The following RIN2 variants were observed in gnomAD, a reference collection of about 807,000 sequenced individuals.
RIN2 encodes the protein RAB5 interacting protein 2.
In RIN2, 36 loss-of-function variants were observed where a neutral mutation model predicts 78.0. That is an observed-to-expected ratio of 0.46 (90% CI 0.35 to 0.61). The LOEUF is 0.61. RIN2 is among the 20% of genes least tolerant of loss of function. The pLI, the probability that RIN2 is intolerant of heterozygous loss-of-function variation, is 0.00. For missense variants in RIN2, 1,087 were observed against 1,159.7 expected (o/e 0.94, Z 0.91); for synonymous variants, 466 against 466.8 (o/e 1.00, Z 0.02).
chr20:19,776,115 C>T (rs1166404068), intron 1 of RIN2, among the ~76,000 whole-genome samples: 1 of 152,190 alleles, frequency 6.6e-6, no homozygotes, highest in Non-Finnish European at 1.5e-5. Flanking sequence ...AACTGATGGA[C>T]CCCTCCCCTT....
intron 4 of RIN2, among the ~76,000 whole-genome samples, chr20:19,948,592 AC>A (rs914077517): frequency 3.0e-4 from 46 of 152,028 alleles, no homozygotes; most frequent in African/African-American, 1.1e-3. Flanking sequence ...ACAGGGTTTC[AC>A]CATGTTGGCC....
At chr20:19,851,022 G>GAGA (rs1276099611) in intron 2 of RIN2, among the ~76,000 whole-genome samples, 30 of 119,752 alleles carry the variant, frequency 2.5e-4, no homozygotes, top group African/African-American at 1.1e-3. Flanking sequence ...AGGAAGGAAG[G>GAGA]AAGGAAGGAA....
chr20:19,910,570 CTT>C (rs11476687), intron 3 of RIN2, among the ~76,000 whole-genome samples: 27 of 128,044 alleles, frequency 2.1e-4, no homozygotes, highest in East Asian at 4.8e-4. Flanking sequence ...AGGAAGTGAA[CTT>C]TTTTTTTTTT....
rs545360447 is a variant in RIN2 at position 19,892,359 on chromosome 20, G to A, written c.57+2701G>A. On this transcript the variant is annotated intron_variant, in intron 3 of 12. Coordinates refer to ENST00000255006, the MANE Select transcript of RIN2 (RefSeq NM_018993.4). ...GCCTCCCGAGCAGCTGGGATTACAG[G>A]TGCCTGCCACCACACCCAGCTAATT... 2.0e-5 allele frequency among the ~76,000 whole-genome samples: 3 copies of A among 152,180 alleles called. No homozygotes were observed. The East Asian group carries it at 5.8e-4, about 29-fold the overall frequency.
intron 2 of RIN2, among the ~76,000 whole-genome samples, chr20:19,865,818 TA>T (rs922747352): frequency 1.3e-5 from 2 of 152,034 alleles, no homozygotes; most frequent in Admixed American, 1.3e-4. Flanking sequence ...AAAAATATAA[TA>T]AAAATATACA....
intron 1 of RIN2, among the ~76,000 whole-genome samples, chr20:19,788,439 A>AAAAC (rs1555818731): frequency 5.3e-5 from 7 of 133,034 alleles, no homozygotes; most frequent in African/African-American, 6.5e-5. Context: ...TGCCAAAAAA[A>AAAAC]AAAAAAAAAA....
chr20:19,923,177 G>A (rs2039997680), intron 3 of RIN2, among the ~76,000 whole-genome samples: 1 of 152,134 alleles, frequency 6.6e-6, no homozygotes, highest in Non-Finnish European at 1.5e-5. Flanking sequence ...CAGCACTTTG[G>A]GAGGCTGAGG....
At chr20:19,985,059 T>C (rs1484439563) in intron 9 of RIN2, among the ~76,000 whole-genome samples, 2 of 152,212 alleles carry the variant, frequency 1.3e-5, no homozygotes, top group Non-Finnish European at 2.9e-5. Context: ...CAGGGCTCTT[T>C]CTAACACAAG....
chr20:19,862,067 C>T (rs1725436269), intron 2 of RIN2, among the ~76,000 whole-genome samples: 2 of 152,264 alleles, frequency 1.3e-5, no homozygotes. Context: ...GATTTCTTCA[C>T]TGCCACTATC....
At chr20:19,915,278 G>A (rs902042665) in intron 3 of RIN2, among the ~76,000 whole-genome samples, 3 of 152,172 alleles carry the variant, frequency 2.0e-5, no homozygotes, top group Non-Finnish European at 4.4e-5. Context: ...ACCTCTGAGA[G>A]ACTGTGTGGG....
rs758625695 is a variant in RIN2, at chr20:19,974,835, C to T, written c.810C>T (p.Cys270=). 3 of 1,613,990 alleles carry T rather than the reference C, an allele frequency of 1.9e-6. No individual in the cohort carries two copies. Among genetic ancestry groups the T allele is most frequent in the Non-Finnish European group, 2.5e-6 (3 of 1,179,888 alleles). Reference sequence around the variant, plus strand: ...GCAGCCAGACCAACGGGGCCCTGTGCTTTATTAATCCCCTTTTCTTGAAAG... The same window carrying T: ...GCAGCCAGACCAACGGGGCCCTGTGTTTTATTAATCCCCTTTTCTTGAAAG... ...LECSQTNGAL[C]FINPLFLKVH... Residue 270 remains cysteine (C), a synonymous_variant, in exon 9 of 13, where the codon TGC becomes TGT. Coordinates refer to ENST00000255006, the MANE Select transcript of RIN2 (RefSeq NM_018993.4).
At position 19,855,194 on chromosome 20, in the gene RIN2, C is replaced by T. The variant is rs566028458; in HGVS notation, c.-36-34372C>T. ...ATGCTGAATTACATTTATTGATTTG[C>T]GTATGTTGAACCAGCCTTGCATCCC... On this transcript the variant is annotated intron_variant, in intron 2 of 12. Coordinates refer to ENST00000255006, the MANE Select transcript of RIN2 (RefSeq NM_018993.4). 9.9e-5 allele frequency among the ~76,000 whole-genome samples: 15 copies of T among 151,936 alleles called. No individual in the cohort carries two copies. The East Asian group carries it at 1.9e-3, about 20-fold the overall frequency.
At chr20:19,972,499 G>A (rs755186134) in intron 8 of RIN2, among the ~76,000 whole-genome samples, 6 of 152,184 alleles carry the variant, frequency 3.9e-5, no homozygotes, top group Non-Finnish European at 5.9e-5. Flanking sequence ...TGTGATTCTC[G>A]ATGTGCATAT....
intron 2 of RIN2, among the ~76,000 whole-genome samples, chr20:19,838,283 GTTAA>G (rs943185386): frequency 1.4e-3 from 211 of 148,500 alleles, no homozygotes; most frequent in African/African-American, 4.7e-3. Context: ...ATATGGCCTG[GTTAA>G]TTAATTAATT....
At chr20:19,847,801 A>G (rs2036834950) in intron 2 of RIN2, among the ~76,000 whole-genome samples, 1 of 152,238 alleles carries the variant, frequency 6.6e-6, no homozygotes, top group Non-Finnish European at 1.5e-5. Flanking sequence ...AGAAAATTTA[A>G]CATTATGACT....
intron 2 of RIN2, among the ~76,000 whole-genome samples, chr20:19,855,553 A>G (rs1464087288): frequency 6.6e-6 from 1 of 152,050 alleles, no homozygotes; most frequent in Non-Finnish European, 1.5e-5. Flanking sequence ...TTTGATGGCA[A>G]CTTACAACCC....
chr20:19,810,683 CTTTTTTTTTTT>C (rs535994979), intron 2 of RIN2, among the ~76,000 whole-genome samples: 18,645 of 100,068 alleles, frequency 0.19, 1,674 homozygotes, highest in African/African-American at 0.36. Flanking sequence ...TTATAAGGTA[CTTTTTTTTTTT>C]TTTTTTTTTT....
intron 9 of RIN2, among the ~76,000 whole-genome samples, chr20:19,987,297 G>A (rs2042651496): frequency 6.6e-6 from 1 of 152,180 alleles, no homozygotes; most frequent in Non-Finnish European, 1.5e-5. Flanking sequence ...ATTAATGACT[G>A]ACATGGCCTT....
chr20:19,930,896 T>C (rs1392745171), intron 3 of RIN2, among the ~76,000 whole-genome samples: 1 of 152,232 alleles, frequency 6.6e-6, no homozygotes, highest in Non-Finnish European at 1.5e-5. Context: ...CCACACACCA[T>C]ATTAAAATAC....
Sources: gnomAD v4.1 joint callset for allele counts (sites outside exome capture counted in the v4.1 genomes callset) on GRCh38, gnomAD v4.1.1 for gene constraint, MANE v1.5 for transcripts, NCBI Gene and HGNC (gene_info 2026-07-23, HGNC 2026-07-21) for gene names.